The following KIF16B variants were observed in gnomAD, a reference collection of about 807,000 sequenced individuals.
KIF16B encodes the protein kinesin family member 16B.
A neutral mutation model predicts 156.3 loss-of-function variants in KIF16B; 98 were observed. That is an observed-to-expected ratio of 0.63 (90% CI 0.53 to 0.74). The LOEUF (loss-of-function observed/expected upper bound fraction) is 0.74. Ranked by LOEUF, KIF16B falls within the 30% of genes least tolerant of loss-of-function variation. The pLI, the probability that KIF16B is intolerant of heterozygous loss-of-function variation, is 0.00. For synonymous variants in KIF16B, 564 were observed against 583.7 expected, an observed-to-expected ratio of 0.97 and a Z score of 0.49; for missense variants, 1,421 against 1,606.5, an observed-to-expected ratio of 0.88 and a Z score of 1.97.
intron 24 of KIF16B, among the ~76,000 whole-genome samples, chr20:16,327,562 T>G (rs1237665253): frequency 6.6e-6 from 1 of 152,190 alleles, no homozygotes; most frequent in African/African-American, 2.4e-5. Flanking sequence ...TACACACTCC[T>G]GAGCCCCAAG....
intron 1 of KIF16B, among the ~76,000 whole-genome samples, chr20:16,555,383 C>T (rs2070810833): frequency 6.6e-6 from 1 of 152,106 alleles, no homozygotes; most frequent in Non-Finnish European, 1.5e-5. Flanking sequence ...AAGATGTAAC[C>T]TGAGAACCTA....
chr20:16,390,191 G>A (rs1195641298), intron 17 of KIF16B, among the ~76,000 whole-genome samples: 1 of 152,122 alleles, frequency 6.6e-6, no homozygotes, highest in Non-Finnish European at 1.5e-5. Context: ...TGGTCTAGAA[G>A]GTACTCACTA....
Position 16,519,906 on chromosome 20 carries a change from G to A in KIF16B, c.232-4242C>T, listed in dbSNP as rs570040258. 2.6e-5 allele frequency among the ~76,000 whole-genome samples: 4 copies of A among 152,320 alleles called. No individual in the cohort carries two copies. The South Asian group carries it at 6.2e-4, about 24-fold the overall frequency. ...AGGGTTGAGCACCGCCTCACCCCGG[G>A]AAGTGCAAGGGGTCAGGGAACTCCC... On this transcript the variant is annotated intron_variant, in intron 3 of 25. Transcript: ENST00000354981.
chr20:16,403,564 T>A (rs1222636167), intron 17 of KIF16B, among the ~76,000 whole-genome samples: 2 of 152,190 alleles, frequency 1.3e-5, no homozygotes, highest in African/African-American at 4.8e-5. Flanking sequence ...GGGAGTCAAC[T>A]GCTGGTGCTT....
intron 12 of KIF16B, among the ~76,000 whole-genome samples, chr20:16,453,105 C>CAAA (rs35303077): frequency 0.016 from 2,175 of 137,304 alleles, 46 homozygotes; most frequent in African/African-American, 0.047. Flanking sequence ...CTATCTTTAC[C>CAAA]AAAAAAAAAA....
rs1011284048 is a variant in KIF16B, at chr20:16,347,509, G to T, written c.3621+8821C>A. Among the ~76,000 whole-genome samples, 6 of 152,218 alleles carry T rather than the reference G, an allele frequency of 3.9e-5. No homozygotes were observed. In the East Asian group the frequency reaches 9.7e-4, roughly 24 times the overall value. Reference sequence around the variant, plus strand: ...CATTTACTTTGTGAAGATAAATATGGCTGTCCAAGGAAGGGCAATATAAAA... The same window carrying T: ...CATTTACTTTGTGAAGATAAATATGTCTGTCCAAGGAAGGGCAATATAAAA... On this transcript the variant is annotated intron_variant, in intron 23 of 25. Transcript: ENST00000354981.
intron 12 of KIF16B, among the ~76,000 whole-genome samples, chr20:16,487,481 ATCT>A (rs1260370725): frequency 1.3e-5 from 2 of 152,142 alleles, no homozygotes; most frequent in Non-Finnish European, 2.9e-5. Context: ...CCCAATACAC[ATCT>A]TCTCCACAAA....
At chr20:16,283,222 C>G (rs1296804055) in intron 25 of KIF16B, among the ~76,000 whole-genome samples, 1 of 152,208 alleles carries the variant, frequency 6.6e-6, no homozygotes, top group Non-Finnish European at 1.5e-5. Flanking sequence ...TCCGGCTCCA[C>G]CCCATCCTGT....
rs542775998 is a variant in KIF16B, at chr20:16,502,502, C to T, written c.1176+1870G>A. Among the ~76,000 whole-genome samples the T allele has an allele frequency of 1.4e-4, 21 of 152,124 alleles. No homozygotes were observed. In the East Asian group the frequency reaches 2.3e-3, roughly 17 times the overall value. ...TATATCAAAAATTTTATCTGCAATG[C>T]GTTCTGAAATAGACTTAACTGTCTT... On this transcript the variant is annotated intron_variant, in intron 10 of 25. Coordinates refer to ENST00000354981, the MANE Select transcript of KIF16B (RefSeq NM_024704.5).
At chr20:16,426,204 A>G (rs1280916986) in intron 15 of KIF16B, among the ~76,000 whole-genome samples, 1 of 152,188 alleles carries the variant, frequency 6.6e-6, no homozygotes, top group African/African-American at 2.4e-5. Context: ...GTAGAGGGAC[A>G]TTCTACAACA....
intron 3 of KIF16B, among the ~76,000 whole-genome samples, chr20:16,517,644 C>T (rs965684181): frequency 2.6e-5 from 4 of 152,148 alleles, no homozygotes; most frequent in Admixed American, 1.3e-4. Context: ...CCTGGAAGGG[C>T]CCCTCCCTGA....
intron 2 of KIF16B, 125 bp downstream of exon 2, chr20:16,528,246 T>G: frequency 1.5e-6 from 1 of 688,964 alleles, no homozygotes; most frequent in Non-Finnish European, 2.5e-6. Context: ...CAAGCTGACG[T>G]GGCTAACTGC....
At chr20:16,458,084 G>C (rs549640073) in intron 12 of KIF16B, among the ~76,000 whole-genome samples, 1 of 152,034 alleles carries the variant, frequency 6.6e-6, no homozygotes, top group Non-Finnish European at 1.5e-5. Context: ...AGATCAAAAC[G>C]GTATAGTTTT....
At chr20:16,319,779 T>C (rs1292705176) in intron 24 of KIF16B, among the ~76,000 whole-genome samples, 2 of 152,218 alleles carry the variant, frequency 1.3e-5, no homozygotes, top group Non-Finnish European at 2.9e-5. Flanking sequence ...AGTTGGATTC[T>C]AGTTTTCAAA....
At chr20:16,308,676 C>A (rs2063575127) in intron 25 of KIF16B, among the ~76,000 whole-genome samples, 2 of 152,224 alleles carry the variant, frequency 1.3e-5, no homozygotes, top group Admixed American at 6.5e-5. Context: ...TAAGCATTTT[C>A]CACTCATGCT....
At chr20:16,470,925 G>A (rs1011325639) in intron 12 of KIF16B, among the ~76,000 whole-genome samples, 2 of 151,764 alleles carry the variant, frequency 1.3e-5, no homozygotes, top group South Asian at 2.1e-4. Flanking sequence ...CCTTCACTCC[G>A]TTCTCACCTC....
chr20:16,301,277 T>C (rs2063468065), intron 25 of KIF16B, among the ~76,000 whole-genome samples: 2 of 152,258 alleles, frequency 1.3e-5, no homozygotes, highest in Non-Finnish European at 2.9e-5. Flanking sequence ...TTGGCAATTA[T>C]GATTAACACT....
At chr20:16,440,189 A>G (rs1480469371) in intron 12 of KIF16B, among the ~76,000 whole-genome samples, 1 of 152,164 alleles carries the variant, frequency 6.6e-6, no homozygotes, top group Non-Finnish European at 1.5e-5. Flanking sequence ...GGATGGGGTC[A>G]GTGAGAGCCA....
chr20:16,410,150 CAT>C (rs1245356135), intron 15 of KIF16B, among the ~76,000 whole-genome samples: 1 of 128,562 alleles, frequency 7.8e-6, no homozygotes, highest in Non-Finnish European at 1.7e-5. Flanking sequence ...TATGTAGGTA[CAT>C]ATACATATAT....
Sources: gnomAD v4.1 joint callset for allele counts (sites outside exome capture counted in the v4.1 genomes callset) on GRCh38, gnomAD v4.1.1 for gene constraint, MANE v1.5 for transcripts, NCBI Gene and HGNC (gene_info 2026-07-23, HGNC 2026-07-21) for gene names.